The following FXR2 variants were observed in gnomAD, a reference collection of about 807,000 sequenced individuals.
FXR2 encodes the protein FMR1 autosomal homolog 2.
FXR2 carries 9 observed loss-of-function variants against 87.3 expected under a neutral mutation model. The observed-to-expected ratio is 0.10, with a 90% CI of 0.06 to 0.18. The LOEUF (loss-of-function observed/expected upper bound fraction) is 0.18, where lower values mean the gene tolerates loss of function less well. FXR2 is among the 10% of genes least tolerant of loss of function. The pLI, the probability that FXR2 is intolerant of heterozygous loss-of-function variation, is 1.00. For synonymous variants in FXR2, 331 were observed against 328.3 expected, an observed-to-expected ratio of 1.01 and a Z score of -0.09; for missense variants, 661 against 893.6, an observed-to-expected ratio of 0.74 and a Z score of 3.32.
At chr17:7,609,909 T>C (rs937733547) in intron 1 of FXR2, among the ~76,000 whole-genome samples, 7 of 140,700 alleles carry the variant, frequency 5.0e-5, no homozygotes, top group Admixed American at 1.5e-4. Context: ...CATACATATA[T>C]ATGTATATAT....
At chr17:7,612,121 G>A (rs1002641463) in intron 1 of FXR2, among the ~76,000 whole-genome samples, 1 of 152,182 alleles carries the variant, frequency 6.6e-6, no homozygotes, top group African/African-American at 2.4e-5. Flanking sequence ...TCCCTTCCCA[G>A]CCATCTCATA....
chr17:7,594,989 C>G lies in FXR2; in HGVS notation c.832-232G>C, dbSNP rs190936987. Reference sequence around the variant, plus strand: ...AATACAAAATTGGTGGCTCACGTCTCTAATCCCAGCTACTCCGGAGGCTGA... The same window carrying G: ...AATACAAAATTGGTGGCTCACGTCTGTAATCCCAGCTACTCCGGAGGCTGA... On this transcript the variant is annotated intron_variant, in intron 8 of 16. Transcript: ENST00000250113. This position sits in a 1 kb window ranked among gnomAD's most constrained non-coding sequence, Gnocchi z 5.1. 1.3e-5 allele frequency among the ~76,000 whole-genome samples: 2 copies of G among 152,134 alleles called. No individual in the cohort carries two copies. The highest frequency in any genetic ancestry group is 1.3e-4 in the Admixed American group (2 of 15,284).
At chr17:7,605,503 G>A (rs1423783320) in intron 3 of FXR2, 142 bp downstream of exon 3, 2 of 573,422 alleles carry the variant, frequency 3.5e-6, no homozygotes, top group Non-Finnish European at 6.3e-6. Context: ...TGATAAAAGG[G>A]GAACTGTTGC....
In FXR2 at chr17:7,609,983, T is replaced by C. The variant is rs933775784; in HGVS notation, c.82-3834A>G. ...ATATATACATGTATATGTATACATA[T>C]ATATATACATGTATATGTATACATA... On this transcript the variant is annotated intron_variant, in intron 1 of 16. Transcript: ENST00000250113. 6.3e-5 allele frequency among the ~76,000 whole-genome samples: 6 copies of C among 95,988 alleles called. 1 individual carries two copies. Among genetic ancestry groups the C allele is most frequent in the African/African-American group, 2.5e-4 (6 of 24,454 alleles). 63.0% of individuals were successfully genotyped at this position (95,988 alleles called of 152,430 possible).
intron 3 of FXR2, among the ~76,000 whole-genome samples, chr17:7,604,704 AG>A (rs1175021061): frequency 6.7e-6 from 1 of 149,840 alleles, no homozygotes; most frequent in African/African-American, 2.5e-5. Flanking sequence ...AAGAAAAAAA[AG>A]GTATTTGGGA....
At chr17:7,607,531 A>T (rs1390715308) in intron 1 of FXR2, among the ~76,000 whole-genome samples, 1 of 151,952 alleles carries the variant, frequency 6.6e-6, no homozygotes, top group Non-Finnish European at 1.5e-5. Flanking sequence ...GGGTTCAAGC[A>T]ATTCTCCTGC....
intron 6 of FXR2, 92 bp from the exon 7 acceptor site, chr17:7,601,617 C>A: frequency 1.3e-6 from 1 of 789,998 alleles, no homozygotes; most frequent in Non-Finnish European, 2.2e-6. Context: ...GCCTAAGTCC[C>A]GGGAAAAGGG....
At chr17:7,596,021 CATG>C (rs1321387584) in intron 7 of FXR2, 27 bp from the exon 8 acceptor site, 17 of 1,589,804 alleles carry the variant, frequency 1.1e-5, no homozygotes, top group East Asian at 2.2e-5. Context: ...CTGTAGGAAT[CATG>C]GTGGTAGAAT....
At chr17:7,609,676 T>C (rs2071832737) in intron 1 of FXR2, among the ~76,000 whole-genome samples, 1 of 151,996 alleles carries the variant, frequency 6.6e-6, no homozygotes, top group African/African-American at 2.4e-5. Context: ...TGCCTGGGTC[T>C]CTCTTCCCTT....
In FXR2 at chr17:7,595,470, G is replaced by T. The variant is rs1597872244; in HGVS notation, c.831+354C>A. 6.7e-6 allele frequency among the ~76,000 whole-genome samples: 1 copy of T among 149,790 alleles called. No homozygotes were observed. Among genetic ancestry groups the T allele is most frequent in the Admixed American group, 6.7e-5 (1 of 14,838 alleles). ...CTCAGTTAACGTTTTTTGGTTTTTGGTTTTTTTGGGGGGTAAAGACAGGGT... is the reference window on the plus strand; with the variant it reads ...CTCAGTTAACGTTTTTTGGTTTTTGTTTTTTTTGGGGGGTAAAGACAGGGT... On this transcript the variant is annotated intron_variant, in intron 8 of 16. Transcript: ENST00000250113. This position sits in a 1 kb window ranked among gnomAD's most constrained non-coding sequence, Gnocchi z 4.7.
intron 1 of FXR2, among the ~76,000 whole-genome samples, chr17:7,609,955 C>CATATATATACATGCATATGTATACAT (rs2071840164): frequency 1.2e-5 from 1 of 86,414 alleles, no homozygotes; most frequent in East Asian, 4.4e-4. Flanking sequence ...TATATGTATA[C>CATATATATACATGCATATGTATACAT]ATATATATAC....
intron 7 of FXR2, among the ~76,000 whole-genome samples, chr17:7,597,693 G>A (rs1222632913): frequency 1.3e-5 from 2 of 152,178 alleles, no homozygotes; most frequent in African/African-American, 2.4e-5. Context: ...GCAGGCGTGA[G>A]CCGCTGCACC....
At position 7,603,000 on chromosome 17, in the gene FXR2, C is replaced by G. The variant is rs1396162507; in HGVS notation, c.452G>C (p.Cys151Ser). 6.5e-7 allele frequency: 1 copy of G among 1,549,098 alleles called. No individual in the cohort carries two copies. The highest frequency in any genetic ancestry group is 2.2e-5 in the East Asian group (1 of 44,450). ...CTCTTTATGGACGTTTTCATTGGAG[C>G]AGCTGCAGAGGAAAAAAGTACTCAG... is the stretch of plus-strand genomic sequence containing the variant. Reference protein sequence around the residue: ...MAVPEDLREACSNENVHKEFK... With the variant: ...MAVPEDLREASSNENVHKEFK... Residue 151 changes from cysteine (C) to serine (S), a missense_variant and splice_region_variant, in exon 6 of 17, where the codon TGC (cysteine) becomes TCC (serine). Around this residue, in one of 3 missense-constraint regions of FXR2, gnomAD observed 170 missense variants for 247.2 expected, o/e 0.69. Transcript: ENST00000250113.
In FXR2 at chr17:7,603,049, T is replaced by C. The variant is rs569743190; in HGVS notation, c.450-47A>G. ...AGCGGGCAGAATGCAGAGAGTACAG[T>C]GAAGAGTTCGGGGGAGGCTGGACAT... On this transcript the variant is annotated intron_variant, in intron 5 of 16. Coordinates refer to ENST00000250113, the MANE Select transcript of FXR2 (RefSeq NM_004860.4). 7.3e-6 allele frequency: 7 copies of C among 954,744 alleles called. No homozygotes were observed. In the Admixed American group the frequency reaches 9.9e-5, roughly 14 times the overall value. The allele number at this position is 954,744 out of a possible 1,614,324, so 59.1% of individuals were successfully genotyped here. A position where few individuals can be genotyped will look rare whatever the true frequency, so the allele number is the denominator to read the frequency against.
intron 3 of FXR2, among the ~76,000 whole-genome samples, chr17:7,604,872 C>T (rs1393786220): frequency 2.0e-5 from 3 of 151,430 alleles, no homozygotes; most frequent in Non-Finnish European, 4.4e-5. Context: ...TAGGCGCCCG[C>T]CACCACGCCC....
At position 7,592,676 on chromosome 17, in the gene FXR2, C is replaced by T. The variant is rs760308190; in HGVS notation, c.1729+18G>A. On this transcript the variant is annotated intron_variant, in intron 14 of 16. Coordinates refer to ENST00000250113, the MANE Select transcript of FXR2 (RefSeq NM_004860.4). This position sits in a 1 kb window ranked among gnomAD's most constrained non-coding sequence, Gnocchi z 4.8. Reference sequence around the variant, plus strand: ...TCCTACCCATCTCTAACTTTCCAGACCCCAGGCACACCCTCACCCAGGCCA... The same window carrying T: ...TCCTACCCATCTCTAACTTTCCAGATCCCAGGCACACCCTCACCCAGGCCA... The T allele has an allele frequency of 1.2e-5, 19 of 1,613,406 alleles. No homozygotes were observed. Among genetic ancestry groups the T allele is most frequent in the Middle Eastern group, 3.3e-4 (2 of 6,084 alleles).
At position 7,593,416 on chromosome 17, in the gene FXR2, G is replaced by A. The variant is rs368455716; in HGVS notation, c.1317C>T (p.Gly439=). 20 of 1,573,004 alleles carry A rather than the reference G, an allele frequency of 1.3e-5. No homozygotes were observed. The highest frequency in any genetic ancestry group is 9.5e-5 in the African/African-American group (7 of 74,004). ...TAACTGTCTCACCATAGGCAGGACC[G>A]CCTGTCCTCCGGCCACGGCCACGGC... is the stretch of plus-strand genomic sequence containing the variant. ...YGGRGRGRRT[G]GPAYGPSSDV... is the part of the protein sequence containing the mutation. Residue 439 remains glycine, a synonymous_variant, in exon 12 of 17, where the codon GGC becomes GGT. Coordinates refer to ENST00000250113, the MANE Select transcript of FXR2 (RefSeq NM_004860.4). This position sits in a 1 kb window ranked among gnomAD's most constrained non-coding sequence, Gnocchi z 6.1.
intron 3 of FXR2, among the ~76,000 whole-genome samples, chr17:7,604,324 G>C (rs1184990844): frequency 6.6e-6 from 1 of 152,020 alleles, no homozygotes; most frequent in Non-Finnish European, 1.5e-5. Context: ...CAGCACTTTG[G>C]AAGGCCAAGG....
In FXR2 at chr17:7,594,584, T is replaced by A. The variant is rs2071692608; in HGVS notation, c.910+95A>T. ...TTCTCTGTCCTTGTGAAACTGGGAGTCCACAGGGAGGTGCCAATCCTGGAT... is the reference window on the plus strand; with the variant it reads ...TTCTCTGTCCTTGTGAAACTGGGAGACCACAGGGAGGTGCCAATCCTGGAT... On this transcript the variant is annotated intron_variant, in intron 9 of 16. Transcript: ENST00000250113. The surrounding 1 kb of genome is among the most constrained non-coding windows in gnomAD (Gnocchi z 5.1). The A allele has an allele frequency of 1.1e-5, 9 of 830,148 alleles. No homozygotes were observed. Among genetic ancestry groups the A allele is most frequent in the Non-Finnish European group, 1.7e-5 (8 of 476,884 alleles). The allele number at this position is 830,148 out of a possible 1,614,324, so 51.4% of individuals were successfully genotyped here.
Sources: allele counts gnomAD v4.1 joint callset (sites outside exome capture counted in the v4.1 genomes callset), GRCh38; gene constraint gnomAD v4.1.1; regional missense constraint gnomAD v4.1.1; non-coding constraint Gnocchi (gnomAD v3.1); transcripts MANE v1.5; gene names NCBI Gene and HGNC (gene_info 2026-07-23, HGNC 2026-07-21).